The following UPRT variants were observed in gnomAD, a reference collection of about 807,000 sequenced individuals.
UPRT encodes the protein uracil phosphoribosyltransferase homolog, also known as RP11-311P8.3.
Under a neutral mutation model 22.6 loss-of-function variants are expected in UPRT, and 5 were observed. The observed-to-expected ratio is 0.22, with a 90% CI of 0.12 to 0.47. The LOEUF is 0.47. Among genes scored for constraint, UPRT ranks in the 20% least tolerant of loss-of-function variants. UPRT has a pLI of 0.99. For synonymous variants in UPRT, 77 were observed against 87.7 expected (o/e 0.88, Z 0.68); for missense variants, 181 against 239.9 (o/e 0.75, Z 1.62).
rs772929927 is a variant in UPRT at position 75,167,941 on chromosome X, C to A, written c.-447+62C>A. 1.1e-4 allele frequency among the ~76,000 whole-genome samples: 12 copies of A among 111,684 alleles called. No homozygotes were observed. The South Asian group carries it at 4.2e-3, about 39-fold the overall frequency. Reference sequence around the variant, plus strand: ...CAGTGAGAGGTTGCCCTCCCACTGTCCCCCTCAATTCAAAGCTACGGGCTC... The same window carrying A: ...CAGTGAGAGGTTGCCCTCCCACTGTACCCCTCAATTCAAAGCTACGGGCTC... On this transcript the variant is annotated intron_variant, in intron 4 of 13. Coordinates refer to the UPRT transcript ENST00000652605.
intron 4 of UPRT, among the ~76,000 whole-genome samples, chrX:75,239,479 G>C (rs892395300): frequency 2.7e-5 from 3 of 111,204 alleles, no homozygotes; most frequent in Non-Finnish European, 5.7e-5. Context: ...ACAACAAAAA[G>C]TCCAGGAGCA....
chrX:75,233,807 A>T (rs1447953586), intron 4 of UPRT, among the ~76,000 whole-genome samples: 2 of 111,414 alleles, frequency 1.8e-5, no homozygotes, highest in African/African-American at 6.5e-5. Flanking sequence ...GAAAGGAACA[A>T]CCAATACCAG....
chrX:75,195,400 G>A (rs901231970), intron 4 of UPRT, among the ~76,000 whole-genome samples: 1 of 112,195 alleles, frequency 8.9e-6, no homozygotes, highest in Non-Finnish European at 1.9e-5. Flanking sequence ...GCACTGTTCA[G>A]GTCCAACAGT....
chrX:75,232,075 G>A (rs1239560264), intron 4 of UPRT, among the ~76,000 whole-genome samples: 1 of 111,555 alleles, frequency 9.0e-6, no homozygotes, highest in Non-Finnish European at 1.9e-5. Context: ...CAGGTCAGTG[G>A]GTGAACTCAC....
intron 4 of UPRT, among the ~76,000 whole-genome samples, chrX:75,266,027 G>A (rs1344459535): frequency 9.0e-6 from 1 of 111,050 alleles, no homozygotes; most frequent in Non-Finnish European, 1.9e-5. Flanking sequence ...AGGTAATTTA[G>A]AGATTCAATG....
intron 2 of UPRT, chrX:75,294,591 G>C: frequency 4.1e-6 from 4 of 987,350 alleles, no homozygotes; most frequent in Non-Finnish European, 5.2e-6. Flanking sequence ...TTCCAAAAGA[G>C]CATAGACAAC....
rs375094627 is a variant in UPRT, at chrX:75,172,600, G to A, written c.-447+4721G>A. 3.4e-3 allele frequency among the ~76,000 whole-genome samples: 382 copies of A among 111,767 alleles called. 2 individuals are homozygous for A. The highest frequency in any genetic ancestry group is 0.012 in the African/African-American group (363 of 30,738). On this transcript the variant is annotated intron_variant, in intron 4 of 13. Transcript: ENST00000652605. ...CAAGAATGAAGCCACGGACCCTTGC[G>A]GTGAGTGTTACAGCTCTTAAGGTGG...
upstream of UPRT, among the ~76,000 whole-genome samples, chrX:75,272,013 G>A (rs1443336879): frequency 9.1e-6 from 1 of 109,990 alleles, no homozygotes; most frequent in Non-Finnish European, 1.9e-5. Flanking sequence ...GCATGGATGT[G>A]GCAAACAGGG....
chrX:75,188,794 C>G (rs377063248), intron 4 of UPRT, among the ~76,000 whole-genome samples: 1 of 111,983 alleles, frequency 8.9e-6, no homozygotes, highest in Non-Finnish European at 1.9e-5. Context: ...TTCCAGGTGC[C>G]GTCTGTCACC....
chrX:75,244,782 T>A (rs2082498956), intron 4 of UPRT, among the ~76,000 whole-genome samples: 1 of 110,807 alleles, frequency 9.0e-6, no homozygotes, highest in Non-Finnish European at 1.9e-5. Context: ...TAAAAAAGGA[T>A]TAAAGACTTA....
intron 4 of UPRT, among the ~76,000 whole-genome samples, chrX:75,202,223 T>C (rs771289921): frequency 1.3e-4 from 15 of 111,384 alleles, no homozygotes; most frequent in Non-Finnish European, 2.4e-4. Flanking sequence ...ACAGCAATTA[T>C]AGAAGGGAAG....
intron 4 of UPRT, among the ~76,000 whole-genome samples, chrX:75,211,376 C>T (rs952945754): frequency 9.0e-6 from 1 of 110,917 alleles, no homozygotes. Context: ...GAAGGCAGGC[C>T]GTGGTCACCT....
chrX:75,204,532 T>A (rs1386865579), intron 4 of UPRT, among the ~76,000 whole-genome samples: 1 of 112,219 alleles, frequency 8.9e-6, no homozygotes, highest in Admixed American at 9.4e-5. Context: ...TTGTCCCAAC[T>A]TTTTTGTTTT....
intron 4 of UPRT, among the ~76,000 whole-genome samples, chrX:75,186,207 T>A (rs1351090232): frequency 1.8e-5 from 2 of 111,187 alleles, no homozygotes; most frequent in East Asian, 5.6e-4. Flanking sequence ...GTCCCAGAGA[T>A]TCTGGTATGG....
At chrX:75,272,718 C>T (rs2082615547), upstream of UPRT, among the ~76,000 whole-genome samples, 1 of 109,095 alleles carries the variant, frequency 9.2e-6, no homozygotes, top group Admixed American at 9.9e-5. Context: ...GCACCTGTTC[C>T]CCAATAACCT....
intron 1 of UPRT, among the ~76,000 whole-genome samples, chrX:75,285,831 A>G (rs2082677488): frequency 9.0e-6 from 1 of 111,311 alleles, no homozygotes; most frequent in African/African-American, 3.3e-5. Context: ...CTGGCAAAAA[A>G]AAAAAATAGT....
At chrX:75,168,818 T>TGCCTGGCTGTGAGTCACC (rs2082219425) in intron 4 of UPRT, among the ~76,000 whole-genome samples, 1 of 110,578 alleles carries the variant, frequency 9.0e-6, no homozygotes, top group African/African-American at 3.3e-5. Flanking sequence ...CATGAGCCAC[T>TGCCTGGCTGTGAGTCACC]GTGCCTGGCT....
chrX:75,177,506 A>C (rs2082252117), intron 4 of UPRT, among the ~76,000 whole-genome samples: 1 of 110,985 alleles, frequency 9.0e-6, no homozygotes, highest in Admixed American at 9.5e-5. Context: ...TAGAGTCCTA[A>C]GCATTCTCCT....
intron 1 of UPRT, among the ~76,000 whole-genome samples, chrX:75,275,260 T>C (rs756325520): frequency 8.9e-6 from 1 of 111,965 alleles, no homozygotes; most frequent in South Asian, 3.8e-4. Flanking sequence ...AAGGAGCCTT[T>C]GGCCCTTCCT....
Sources: allele counts gnomAD v4.1 joint callset (sites outside exome capture counted in the v4.1 genomes callset), GRCh38; gene constraint gnomAD v4.1.1; transcripts MANE v1.5; gene names NCBI Gene and HGNC (gene_info 2026-07-23, HGNC 2026-07-21).